DLST: variants seen among roughly 807,000 people sequenced by gnomAD.
DLST encodes dihydrolipoamide S-succinyltransferase, also known as dihydrolipoyllysine-residue succinyltransferase component of 2-oxoglutarate dehydrogenase complex, mitochondrial.
DLST carries 17 observed loss-of-function variants against 53.1 expected under a neutral mutation model. That is an observed-to-expected ratio of 0.32 (90% CI 0.22 to 0.48). The LOEUF (loss-of-function observed/expected upper bound fraction) is 0.48. Ranked by LOEUF, DLST falls within the 20% of genes least tolerant of loss-of-function variation. The probability of loss-of-function intolerance (pLI) is 0.99; values close to 1 mark genes in which losing one functional copy is unlikely to be tolerated. For synonymous variants in DLST, 206 were observed against 204.8 expected, an observed-to-expected ratio of 1.01 and a Z score of -0.05; for missense variants, 512 against 583.9, an observed-to-expected ratio of 0.88 and a Z score of 1.27.
chr14:74,897,063 TGACCA>T (rs1374502658), intron 10 of DLST, among the ~76,000 whole-genome samples: 8 of 152,254 alleles, frequency 5.3e-5, no homozygotes, highest in African/African-American at 1.9e-4. Flanking sequence ...AGCTACTTAA[TGACCA>T]GACAATAACA....
rs151082885 is a variant in DLST at position 74,896,064 on chromosome 14, C to A, written c.770+1655C>A. Among the ~76,000 whole-genome samples the A allele has an allele frequency of 3.9e-5, 6 of 152,236 alleles. No homozygotes were observed. In the East Asian group the frequency reaches 1.2e-3, roughly 29 times the overall value. On this transcript the variant is annotated intron_variant, in intron 10 of 14. Coordinates refer to ENST00000334220, the MANE Select transcript of DLST (RefSeq NM_001933.5). ...TAGAGACAAGGTCTCGCTGTGTTGC[C>A]TAGGCTGGTCTCCTGAACGTCTAGG...
intron 12 of DLST, 25 bp downstream of exon 12, chr14:74,900,021 A>T (rs770310434): frequency 1.3e-6 from 2 of 1,585,620 alleles, no homozygotes; most frequent in Non-Finnish European, 1.7e-6. Context: ...GAGGTGGGGA[A>T]TGTTGGTCTT....
In DLST at chr14:74,889,901, T is replaced by TG; in HGVS notation, c.281dup (p.Asp95ArgfsTer7). On this transcript the variant is annotated frameshift_variant, in exon 6 of 15. Transcript: ENST00000334220. LOFTEE classifies it high-confidence loss of function. ...AGCCTTTGATTGTCTTTTCAGCTGT[T>TG]GGAGACACAGTTGCAGAAGATGAAG... 6.2e-7 allele frequency: 1 copy of TG among 1,614,058 alleles called. No individual in the cohort carries two copies. Among genetic ancestry groups the TG allele is most frequent in the Non-Finnish European group, 8.5e-7 (1 of 1,179,970 alleles).
chr14:74,895,599 T>A (rs1010091272), intron 10 of DLST, among the ~76,000 whole-genome samples: 4 of 151,618 alleles, frequency 2.6e-5, no homozygotes, highest in Non-Finnish European at 4.4e-5. Context: ...ACATAAAATT[T>A]AAAAATTAGC....
chr14:74,891,970 G>T (rs554309731), intron 7 of DLST: 1 of 498,974 alleles, frequency 2.0e-6, no homozygotes, highest in East Asian at 1.5e-4. Flanking sequence ...GTCCAGATGG[G>T]TGAAAAACAG....
chr14:74,898,725 C>T lies in DLST; in HGVS notation c.901+226C>T, dbSNP rs556443636. On this transcript the variant is annotated intron_variant, in intron 11 of 14. Coordinates refer to ENST00000334220, the MANE Select transcript of DLST (RefSeq NM_001933.5). ...CAGTTTCTCTTCCCAGTGTACAGCT[C>T]GGCAGCTGCTCAGGCAGCAGGCAGT... Among the ~76,000 whole-genome samples, 212 of 152,368 alleles carry T rather than the reference C, an allele frequency of 1.4e-3. 1 individual carries two copies. The highest frequency in any genetic ancestry group is 2.7e-3 in the Non-Finnish European group (182 of 68,046).
chr14:74,893,597 A>G (rs1016150419), intron 9 of DLST, among the ~76,000 whole-genome samples, 173 bp downstream of exon 9: 1 of 152,224 alleles, frequency 6.6e-6, no homozygotes, highest in African/African-American at 2.4e-5. Context: ...AAATGATAGG[A>G]CTAGAACCTG....
intron 10 of DLST, among the ~76,000 whole-genome samples, chr14:74,894,824 G>A (rs944661636): frequency 2.0e-5 from 3 of 152,036 alleles, no homozygotes; most frequent in Non-Finnish European, 4.4e-5. Context: ...TGGGATTACA[G>A]GCGTGAGCCA....
rs774721552 is a variant in DLST at position 74,892,885 on chromosome 14, A to G, written c.494A>G (p.Lys165Arg). ...GAAGCTCCTGCTGCTGCAGCCCCAAAAGCAGAACCTACAGCAGCGGCAGTT... is the reference window on the plus strand; with the variant it reads ...GAAGCTCCTGCTGCTGCAGCCCCAAGAGCAGAACCTACAGCAGCGGCAGTT... ...PAEAPAAAAPKAEPTAAAVPP... is the reference protein window; with the variant it reads ...PAEAPAAAAPRAEPTAAAVPP... Residue 165 changes from lysine to arginine, a missense_variant, in exon 8 of 15, where the codon AAA becomes AGA. Lys to Arg is a conservative substitution (Grantham distance 26, BLOSUM62 2). Transcript: ENST00000334220. 6.2e-7 allele frequency: 1 copy of G among 1,613,902 alleles called. No individual in the cohort carries two copies. Among genetic ancestry groups the G allele is most frequent in the Non-Finnish European group, 8.5e-7 (1 of 1,179,958 alleles).
At chr14:74,891,524 T>C (rs1883907657) in intron 7 of DLST, 4 of 997,314 alleles carry the variant, frequency 4.0e-6, no homozygotes, top group Middle Eastern at 5.0e-4. Context: ...GCTTCAAAAC[T>C]TTTTGAGCAC....
At chr14:74,900,517 T>C (rs1385498109) in intron 13 of DLST, 145 bp downstream of exon 13, 3 of 667,264 alleles carry the variant, frequency 4.5e-6, no homozygotes, top group Non-Finnish European at 7.9e-6. Flanking sequence ...CTAAGTATTT[T>C]ATATATCTGG....
rs373826033 is a variant in DLST at position 74,902,285 on chromosome 14, C to A, written c.1317C>A (p.Ile439=). ...GREAVTFLRK[I]KAAVEDPRVL... is the part of the protein sequence containing the mutation. ...AGGCTGTGACTTTCCTCCGCAAAAT[C>A]AAGGCAGCGGTAGAGGATCCCAGAG... The change falls in exon 15 of 15, where the codon ATC becomes ATA. Residue 439 remains isoleucine (I), a synonymous_variant. Transcript: ENST00000334220. The A allele has an allele frequency of 5.9e-5, 95 of 1,613,204 alleles. No individual in the cohort carries two copies. Among genetic ancestry groups the A allele is most frequent in the African/African-American group, 2.7e-5 (2 of 74,914 alleles).
chr14:74,896,398 A>G (rs1339464023), intron 10 of DLST, among the ~76,000 whole-genome samples: 1 of 152,206 alleles, frequency 6.6e-6, no homozygotes, highest in Non-Finnish European at 1.5e-5. Context: ...TTAATTCAGG[A>G]AGCAAGTCAA....
intron 7 of DLST, chr14:74,891,381 G>A (rs998625634): frequency 1.6e-6 from 2 of 1,265,024 alleles, no homozygotes; most frequent in African/African-American, 1.5e-5. Context: ...CTTATACTCT[G>A]TTCTTTCCAT....
At chr14:74,898,196 A>G (rs1265068738) in intron 10 of DLST, among the ~76,000 whole-genome samples, 173 bp from the exon 11 acceptor site, 1 of 152,136 alleles carries the variant, frequency 6.6e-6, no homozygotes, top group Non-Finnish European at 1.5e-5. Context: ...ATTTCTTTGT[A>G]AAAGAACAGA....
chr14:74,898,268 G>A lies in DLST; in HGVS notation c.771-101G>A, dbSNP rs185196845. The stretch of plus-strand genomic sequence containing the variant: ...TTGAACTAAGGTAATGGTCCAGAGT[G>A]AGGGAAAAGCTCTCACCTAATTGTG... On this transcript the variant is annotated intron_variant, in intron 10 of 14. Transcript: ENST00000334220. The A allele has an allele frequency of 3.6e-5, 52 of 1,450,744 alleles. No individual in the cohort carries two copies. In the East Asian group the frequency reaches 9.7e-4, roughly 27 times the overall value. 89.9% of individuals were successfully genotyped at this position (1,450,744 alleles called of 1,614,324 possible). A position where few individuals can be genotyped will look rare whatever the true frequency, so the allele number is the denominator to read the frequency against.
intron 2 of DLST, among the ~76,000 whole-genome samples, chr14:74,883,854 C>A (rs568500008): frequency 6.6e-6 from 1 of 152,268 alleles, no homozygotes; most frequent in East Asian, 1.9e-4. Context: ...TTATTGAGTG[C>A]TTACTATATG....
intron 3 of DLST, among the ~76,000 whole-genome samples, chr14:74,886,289 G>A (rs1883701616): frequency 6.6e-6 from 1 of 152,170 alleles, no homozygotes; most frequent in East Asian, 1.9e-4. Flanking sequence ...AGAGGTCAGC[G>A]GATGAGCTTC....
At chr14:74,895,688 C>T (rs918211984) in intron 10 of DLST, among the ~76,000 whole-genome samples, 6 of 152,150 alleles carry the variant, frequency 3.9e-5, no homozygotes, top group African/African-American at 9.6e-5. Flanking sequence ...TCACATGAGG[C>T]CAGGAGTTCG....
Sources: gnomAD v4.1 joint callset for allele counts (sites outside exome capture counted in the v4.1 genomes callset) on GRCh38, gnomAD v4.1.1 for gene constraint, MANE v1.5 for transcripts, NCBI Gene and HGNC (gene_info 2026-07-23, HGNC 2026-07-21) for gene names.